FBXL2: variants seen among roughly 807,000 people sequenced by gnomAD.
FBXL2 encodes the protein F-box/LRR-repeat protein 2.
In FBXL2, 38 loss-of-function variants were observed where a neutral mutation model predicts 69.2. The observed-to-expected ratio is 0.55, with a 90% CI of 0.42 to 0.72. The LOEUF is 0.72. Among genes scored for constraint, FBXL2 ranks in the 30% least tolerant of loss-of-function variants. The pLI, the probability that FBXL2 is intolerant of heterozygous loss-of-function variation, is 0.00. For synonymous variants in FBXL2, 192 were observed against 201.3 expected, an observed-to-expected ratio of 0.95 and a Z score of 0.39; for missense variants, 354 against 520.3, an observed-to-expected ratio of 0.68 and a Z score of 3.11.
intron 2 of FBXL2, among the ~76,000 whole-genome samples, chr3:33,299,322 G>A (rs969187128): frequency 6.6e-5 from 10 of 152,126 alleles, no homozygotes; most frequent in Non-Finnish European, 1.0e-4. Context: ...GATTACAGGC[G>A]TGAGCCACTG....
chr3:33,380,552 CCATAAAAAAAAA>C (rs2042979585), intron 13 of FBXL2, among the ~76,000 whole-genome samples: 1 of 121,456 alleles, frequency 8.2e-6, no homozygotes, highest in South Asian at 2.8e-4. Context: ...GAGCAAAACT[CCATAAAAAAAAA>C]AAAAAAAAAA....
At chr3:33,392,720 T>A (rs1234702665), downstream of FBXL2, 2 of 1,032,932 alleles carry the variant, frequency 1.9e-6, no homozygotes, top group Non-Finnish European at 2.8e-6. Flanking sequence ...CAGGACTCAA[T>A]GGCCAAAACG....
At chr3:33,385,405 A>T (rs2043360292) in intron 14 of FBXL2, 96 bp from the exon 15 acceptor site, 5 of 1,114,242 alleles carry the variant, frequency 4.5e-6, no homozygotes, top group Non-Finnish European at 6.9e-6. Flanking sequence ...TAAGGTGAAG[A>T]TTTTTAATAG....
the FBXL2 span, among the ~76,000 whole-genome samples, chr3:33,419,560 G>A: frequency 1.3e-5 from 2 of 151,236 alleles, no homozygotes; most frequent in Admixed American, 6.6e-5. Flanking sequence ...CCTGTGAGGC[G>A]GAGGTTGCGG....
At chr3:33,375,841 G>A (rs1325633242) in intron 10 of FBXL2, among the ~76,000 whole-genome samples, 3 of 152,052 alleles carry the variant, frequency 2.0e-5, no homozygotes, top group African/African-American at 7.2e-5. Context: ...TTCTTCCCCA[G>A]TAGGAAAAAA....
intron 2 of FBXL2, chr3:33,317,624 G>A (rs2125784436): frequency 2.4e-6 from 1 of 413,564 alleles, no homozygotes; most frequent in South Asian, 1.8e-5. Flanking sequence ...GTATGTTTCT[G>A]TTCTATTCCA....
chr3:33,331,141 C>T (rs2039130177), intron 2 of FBXL2, among the ~76,000 whole-genome samples: 1 of 151,592 alleles, frequency 6.6e-6, no homozygotes, highest in Non-Finnish European at 1.5e-5. Flanking sequence ...ACCTATAGAC[C>T]AGACTATGTA....
chr3:33,396,279 A>G, intron 12 of FBXL2: 1 of 1,572,570 alleles, frequency 6.4e-7, no homozygotes, highest in South Asian at 1.1e-5. Context: ...GGTCTAACCG[A>G]CCTGCAATCA....
Position 33,373,685 on chromosome 3 carries a change from T to C in FBXL2, c.563T>C (p.Leu188Pro), listed in dbSNP as rs1323432607. The C allele has an allele frequency of 6.2e-7, 1 of 1,614,082 alleles. No individual in the cohort carries two copies. The highest frequency in any genetic ancestry group is 1.3e-5 in the African/African-American group (1 of 74,926). The stretch of plus-strand genomic sequence containing the variant: ...GGTTGTCGAGGCCTGAAAGCCCTGC[T>C]CCTGAGGGGCTGCACACAGGTACCA... ...VRGCRGLKAL[L>P]LRGCTQLEDE... Residue 188 changes from leucine (L) to proline (P), a missense_variant, in exon 8 of 15, where the codon CTC becomes CCC. Transcript: ENST00000484457.
At chr3:33,365,036 C>T (rs946859993) in intron 5 of FBXL2, among the ~76,000 whole-genome samples, 2 of 152,162 alleles carry the variant, frequency 1.3e-5, no homozygotes, top group Admixed American at 6.6e-5. Flanking sequence ...GAAGTGCCTA[C>T]CTCTTTTCTA....
At chr3:33,302,728 A>G (rs1429027020) in intron 2 of FBXL2, among the ~76,000 whole-genome samples, 2 of 152,272 alleles carry the variant, frequency 1.3e-5, no homozygotes, top group East Asian at 3.9e-4. Flanking sequence ...ATACATGATA[A>G]AATTTATTGG....
intron 2 of FBXL2, among the ~76,000 whole-genome samples, chr3:33,324,427 T>A (rs1018450338): frequency 1.1e-4 from 17 of 152,218 alleles, no homozygotes; most frequent in African/African-American, 4.1e-4. Context: ...AGGGTATTTA[T>A]GGTTTTAGGT....
intron 13 of FBXL2, among the ~76,000 whole-genome samples, chr3:33,380,059 C>G (rs1296366338): frequency 6.6e-6 from 1 of 151,690 alleles, no homozygotes; most frequent in East Asian, 2.0e-4. Context: ...GGTGAAACCC[C>G]ATCTCTACTA....
At chr3:33,285,567 C>T (rs920539645) in intron 1 of FBXL2, among the ~76,000 whole-genome samples, 11 of 152,220 alleles carry the variant, frequency 7.2e-5, no homozygotes, top group Middle Eastern at 3.4e-3. Context: ...CTCTGTATTT[C>T]CTGAATTTGA....
chr3:33,282,418 G>A (rs1187459270), intron 1 of FBXL2, among the ~76,000 whole-genome samples: 1 of 152,070 alleles, frequency 6.6e-6, no homozygotes, highest in Non-Finnish European at 1.5e-5. Context: ...ATCTGTTTTG[G>A]TACCAGTACC....
intron 1 of FBXL2, among the ~76,000 whole-genome samples, chr3:33,278,821 A>G (rs889390251): frequency 2.0e-5 from 3 of 152,232 alleles, no homozygotes; most frequent in Non-Finnish European, 2.9e-5. Context: ...ACTGAATTTT[A>G]TGAAGATATA....
intron 1 of FBXL2, among the ~76,000 whole-genome samples, chr3:33,286,708 T>G (rs2034659234): frequency 6.6e-6 from 1 of 152,226 alleles, no homozygotes; most frequent in Non-Finnish European, 1.5e-5. Context: ...TCCCGGCTGC[T>G]TTGTTTACCT....
intron 11 of FBXL2, among the ~76,000 whole-genome samples, 195 bp from the exon 12 acceptor site, chr3:33,377,908 C>A (rs1202551905): frequency 6.6e-6 from 1 of 152,166 alleles, no homozygotes; most frequent in African/African-American, 2.4e-5. Flanking sequence ...AGCCCTATTC[C>A]CAGTTCCAAA....
chr3:33,345,265 C>G (rs1012162473), intron 2 of FBXL2, among the ~76,000 whole-genome samples: 4 of 152,078 alleles, frequency 2.6e-5, no homozygotes, highest in African/African-American at 9.7e-5. Flanking sequence ...CACATTGCCT[C>G]CTTCTCTTCT....
Sources: gnomAD v4.1 joint callset for allele counts (sites outside exome capture counted in the v4.1 genomes callset) on GRCh38, gnomAD v4.1.1 for gene constraint, MANE v1.5 for transcripts, NCBI Gene and HGNC (gene_info 2026-07-23, HGNC 2026-07-21) for gene names.